Variants in TJP2 observed in about 807,000 individuals in gnomAD.
TJP2 encodes tight junction protein 2.
A neutral mutation model predicts 133.1 loss-of-function variants in TJP2; 91 were observed. The ratio of observed to expected loss-of-function variants is 0.68; its 90% CI spans 0.58 to 0.81. The LOEUF (loss-of-function observed/expected upper bound fraction) is 0.81. TJP2 is among the 40% of genes least tolerant of loss of function. The pLI is 0.00. For missense variants in TJP2, 1,541 were observed against 1,565.6 expected (o/e 0.98, Z 0.26); for synonymous variants, 592 against 583.4 (o/e 1.01, Z -0.21).
intron 17 of TJP2, among the ~76,000 whole-genome samples, chr9:69,242,553 A>C (rs1439949390): frequency 6.6e-6 from 1 of 152,236 alleles, no homozygotes; most frequent in Non-Finnish European, 1.5e-5. Flanking sequence ...AAGTGATCTT[A>C]TCTCACCAGA....
At chr9:69,170,130 G>T (rs1251275729), upstream of TJP2, among the ~76,000 whole-genome samples, 2 of 152,084 alleles carry the variant, frequency 1.3e-5, no homozygotes, top group African/African-American at 4.8e-5. Context: ...TTACAAGCAT[G>T]AGCCCCTGCA....
chr9:69,216,034 C>T (rs529208414), intron 2 of TJP2, among the ~76,000 whole-genome samples: 6 of 152,202 alleles, frequency 3.9e-5, no homozygotes, highest in South Asian at 2.1e-4. Flanking sequence ...TCAAACAGTA[C>T]GTCCCTATTT....
intron 11 of TJP2, among the ~76,000 whole-genome samples, chr9:69,232,539 T>C (rs969794513): frequency 1.3e-5 from 2 of 152,256 alleles, no homozygotes; most frequent in African/African-American, 4.8e-5. Flanking sequence ...ATTGAATATA[T>C]AAAGTGAGCC....
intron 17 of TJP2, among the ~76,000 whole-genome samples, chr9:69,240,817 A>T (rs1220103139): frequency 2.6e-5 from 4 of 152,174 alleles, no homozygotes; most frequent in African/African-American, 9.7e-5. Flanking sequence ...GAAAAAAAAA[A>T]AAATCTAGAA....
chr9:69,239,381 C>T (rs116638306), intron 16 of TJP2, among the ~76,000 whole-genome samples: 1,634 of 152,234 alleles, frequency 0.011, 28 homozygotes, highest in African/African-American at 0.037. Flanking sequence ...TTACTGTTCT[C>T]TGGCAGTAAC....
At chr9:69,252,939 C>G (rs1451968464) in intron 22 of TJP2, 39 bp downstream of exon 22, 1 of 1,589,060 alleles carries the variant, frequency 6.3e-7, no homozygotes, top group Non-Finnish European at 8.6e-7. Flanking sequence ...AAGGCGGGGA[C>G]TTCTCAAGGA....
At chr9:69,240,469 T>G (rs966353810) in intron 17 of TJP2, among the ~76,000 whole-genome samples, 2 of 152,222 alleles carry the variant, frequency 1.3e-5, no homozygotes, top group Admixed American at 6.5e-5. Context: ...AGAGATTGTG[T>G]CATTGTTCTC....
intron 16 of TJP2, 109 bp downstream of exon 16, chr9:69,238,898 A>G: frequency 9.6e-7 from 1 of 1,037,824 alleles, no homozygotes; most frequent in Non-Finnish European, 1.5e-6. Context: ...TGTTAATAAT[A>G]AAAAATTGGC....
At chr9:69,150,115 A>C (rs1587911790) in intron 1 of TJP2, among the ~76,000 whole-genome samples, 1 of 151,924 alleles carries the variant, frequency 6.6e-6, no homozygotes, top group Non-Finnish European at 1.5e-5. Context: ...GTGCCACTGC[A>C]CTCCAGCCTG....
At chr9:69,191,737 T>A (rs2309423) in intron 1 of TJP2, among the ~76,000 whole-genome samples, 79,629 of 151,172 alleles carry the variant, frequency 0.53, 21,221 homozygotes, top group East Asian at 0.7. Flanking sequence ...AGTTCATTTT[T>A]AAAATTTTTT....
rs1330201952 is a variant in TJP2 at position 69,254,387 on chromosome 9, G to A, written c.*13G>A. On this transcript the variant is annotated 3_prime_UTR_variant, in exon 23 of 23. Coordinates refer to ENST00000377245, the MANE Select transcript of TJP2 (RefSeq NM_004817.4). ...CACAGAATTATAGATGTCTGAGCAC[G>A]GACTCTCCCAGGCCTGCCTGCATGG... 4.3e-6 allele frequency: 7 copies of A among 1,613,926 alleles called. No individual in the cohort carries two copies. Among genetic ancestry groups the A allele is most frequent in the South Asian group, 1.1e-5 (1 of 91,080 alleles).
At chr9:69,174,807 C>G (rs1453788289) in intron 1 of TJP2, among the ~76,000 whole-genome samples, 2 of 152,006 alleles carry the variant, frequency 1.3e-5, no homozygotes, top group Admixed American at 1.3e-4. Flanking sequence ...GGTATTGATG[C>G]AAAGTTACAG....
intron 1 of TJP2, among the ~76,000 whole-genome samples, chr9:69,188,895 T>C (rs17062126): frequency 0.066 from 10,088 of 152,250 alleles, 452 homozygotes; most frequent in East Asian, 0.22. Context: ...GAAAAACTTA[T>C]GGTTACAAAC....
At chr9:69,149,295 C>T (rs2133329802) in intron 1 of TJP2, among the ~76,000 whole-genome samples, 1 of 152,268 alleles carries the variant, frequency 6.6e-6, no homozygotes, top group South Asian at 2.1e-4. Context: ...GAGCTGATAC[C>T]TGTAGAAAAG....
At chr9:69,173,842 G>C (rs1385567603), upstream of TJP2, among the ~76,000 whole-genome samples, 1 of 152,222 alleles carries the variant, frequency 6.6e-6, no homozygotes, top group Admixed American at 6.5e-5. Context: ...CGGGCCAGCA[G>C]CGCCCGGAGC....
intron 1 of TJP2, among the ~76,000 whole-genome samples, chr9:69,199,284 C>G (rs1039765972): frequency 6.6e-6 from 1 of 152,130 alleles, no homozygotes; most frequent in East Asian, 1.9e-4. Context: ...ATCTGTAATC[C>G]CAGCACTTTG....
chr9:69,171,060 ATCAG>A (rs1187901516), upstream of TJP2, among the ~76,000 whole-genome samples: 1 of 152,116 alleles, frequency 6.6e-6, no homozygotes, highest in African/African-American at 2.4e-5. Context: ...GCACTTGAAA[ATCAG>A]TCTGTAACTA....
At chr9:69,169,655 CG>C (rs1374968783), upstream of TJP2, among the ~76,000 whole-genome samples, 2 of 152,096 alleles carry the variant, frequency 1.3e-5, no homozygotes, top group Non-Finnish European at 2.9e-5. Flanking sequence ...CCACCGTACC[CG>C]GCTGAACTTG....
Position 69,240,038 on chromosome 9 carries a change from A to T in TJP2, c.2457A>T (p.Gln819His). 6.2e-7 allele frequency: 1 copy of T among 1,614,136 alleles called. No homozygotes were observed. The highest frequency in any genetic ancestry group is 2.2e-5 in the East Asian group (1 of 44,878). ...TTTTTTTCAACCCAGACTCCAGACA[A>T]GGTGTCAAAACCATGAGACAAAGGT... is the stretch of plus-strand genomic sequence containing the variant. ...IVIFFNPDSRQGVKTMRQRLN... is the reference protein window; with the variant it reads ...IVIFFNPDSRHGVKTMRQRLN... The change falls in exon 17 of 23, where the codon CAA becomes CAT. Residue 819 changes from glutamine to histidine, a missense_variant. Coordinates refer to ENST00000377245, the MANE Select transcript of TJP2 (RefSeq NM_004817.4).
Sources: allele counts gnomAD v4.1 joint callset (sites outside exome capture counted in the v4.1 genomes callset), GRCh38; gene constraint gnomAD v4.1.1; transcripts MANE v1.5; gene names NCBI Gene and HGNC (gene_info 2026-07-23, HGNC 2026-07-21).